The following TEC variants were observed in gnomAD, a reference collection of about 807,000 sequenced individuals.
TEC encodes the protein tyrosine-protein kinase Tec.
In TEC, 72 loss-of-function variants were observed where a neutral mutation model predicts 93.0. The observed-to-expected ratio is 0.77, with a 90% CI of 0.64 to 0.94. The LOEUF (loss-of-function observed/expected upper bound fraction) is 0.94, where lower values mean the gene tolerates loss of function less well. Among genes scored for constraint, TEC ranks in the 40% least tolerant of loss-of-function variants. The probability of loss-of-function intolerance (pLI) is 0.00; values close to 1 mark genes in which losing one functional copy is unlikely to be tolerated. For synonymous variants in TEC, 249 were observed against 247.7 expected (o/e 1.01, Z -0.05); for missense variants, 630 against 757.9 (o/e 0.83, Z 1.98).
chr4:48,263,207 G>C (rs1222199450), intron 1 of TEC, among the ~76,000 whole-genome samples: 1 of 152,204 alleles, frequency 6.6e-6, no homozygotes, highest in South Asian at 2.1e-4. Context: ...GGAAGTAAGG[G>C]TGCTGCTGCT....
rs80067357 is a variant in TEC at position 48,171,972 on chromosome 4, G to C, written c.244-523C>G. 3.5e-3 allele frequency among the ~76,000 whole-genome samples: 536 copies of C among 152,272 alleles called. 2 individuals carry two copies. The highest frequency in any genetic ancestry group is 0.012 in the African/African-American group (518 of 41,538). Reference sequence around the variant, plus strand: ...AAATGAGAAAATAAAGGCCTACCCAGGCCCCCACTCCTGTGTAACTTCAGC... The same window carrying C: ...AAATGAGAAAATAAAGGCCTACCCACGCCCCCACTCCTGTGTAACTTCAGC... On this transcript the variant is annotated intron_variant, in intron 3 of 17. Coordinates refer to ENST00000381501, the MANE Select transcript of TEC (RefSeq NM_003215.3).
intron 1 of TEC, among the ~76,000 whole-genome samples, chr4:48,264,279 A>T (rs1004043929): frequency 5.3e-5 from 8 of 152,186 alleles, no homozygotes; most frequent in Non-Finnish European, 8.8e-5. Context: ...TCTTTTTAAA[A>T]AGCTGGATCC....
chr4:48,150,115 C>T (rs928724775), intron 10 of TEC, among the ~76,000 whole-genome samples: 1 of 152,198 alleles, frequency 6.6e-6, no homozygotes, highest in Admixed American at 6.5e-5. Flanking sequence ...CTAGTCCTCT[C>T]TTGCTAAAAA....
chr4:48,265,497 G>GTGTATATA lies in TEC; in HGVS notation c.-46+4254_-46+4255insTATATACA, dbSNP rs140621313. ...TATATACGTGTGTGTATATATGTGTGTATATATATATATATATATTTTTTT... is the reference window on the plus strand; with the variant it reads ...TATATACGTGTGTGTATATATGTGTGTGTATATATATATATATATATATATATTTTTTT... On this transcript the variant is annotated intron_variant, in intron 1 of 17. Coordinates refer to ENST00000381501, the MANE Select transcript of TEC (RefSeq NM_003215.3). 3.1e-3 allele frequency among the ~76,000 whole-genome samples: 371 copies of GTGTATATA among 118,606 alleles called. 3 individuals are homozygous for GTGTATATA. Among genetic ancestry groups the GTGTATATA allele is most frequent in the African/African-American group, 0.011 (357 of 31,504 alleles). 77.8% of individuals were successfully genotyped at this position (118,606 alleles called of 152,430 possible).
chr4:48,209,464 A>T (rs1292776638), intron 2 of TEC, among the ~76,000 whole-genome samples: 1 of 151,642 alleles, frequency 6.6e-6, no homozygotes, highest in Non-Finnish European at 1.5e-5. Flanking sequence ...ATAACAAATA[A>T]TTAGTTGGGC....
intron 2 of TEC, among the ~76,000 whole-genome samples, chr4:48,207,815 T>A (rs1722766262): frequency 6.6e-6 from 1 of 151,974 alleles, no homozygotes; most frequent in South Asian, 2.1e-4. Context: ...ATCCAGAATT[T>A]AAGCATAATG....
intron 2 of TEC, among the ~76,000 whole-genome samples, chr4:48,198,624 G>A (rs1036012730): frequency 6.6e-6 from 1 of 152,148 alleles, no homozygotes; most frequent in Non-Finnish European, 1.5e-5. Flanking sequence ...TTTTCCTGGT[G>A]AAGGCTCCCA....
intron 2 of TEC, among the ~76,000 whole-genome samples, chr4:48,193,545 G>GT (rs1722168016): frequency 1.3e-5 from 2 of 152,158 alleles, no homozygotes; most frequent in Admixed American, 1.3e-4. Context: ...CGTAACTACT[G>GT]TCAAGGGAGA....
intron 8 of TEC, among the ~76,000 whole-genome samples, chr4:48,161,506 G>T (rs963374919): frequency 6.6e-6 from 1 of 151,784 alleles, no homozygotes. Context: ...TGCGGGCCTG[G>T]AAATCCTGAG....
chr4:48,223,729 T>C (rs1052387282), intron 2 of TEC, among the ~76,000 whole-genome samples: 5 of 152,220 alleles, frequency 3.3e-5, no homozygotes, highest in African/African-American at 7.2e-5. Context: ...GCCTGGCATC[T>C]GGGAACTTGG....
At chr4:48,204,097 A>T (rs1020746838) in intron 2 of TEC, among the ~76,000 whole-genome samples, 1 of 152,218 alleles carries the variant, frequency 6.6e-6, no homozygotes, top group Non-Finnish European at 1.5e-5. Context: ...TGCTATTCTT[A>T]GCCAGGCTTA....
intron 2 of TEC, among the ~76,000 whole-genome samples, chr4:48,193,521 T>C (rs1160060268): frequency 5.9e-5 from 9 of 152,140 alleles, no homozygotes. Context: ...CCCATTACAA[T>C]CTTCAGAGAT....
rs1723338432 is a variant in TEC at position 48,223,630 on chromosome 4, C to G, written c.138+4847G>C. Among the ~76,000 whole-genome samples the G allele has an allele frequency of 2.0e-5, 3 of 152,156 alleles. No individual in the cohort carries two copies. In the South Asian group the frequency reaches 6.2e-4, roughly 32 times the overall value. On this transcript the variant is annotated intron_variant, in intron 2 of 17. Transcript: ENST00000381501. ...GTAGTTAGTGCTCAATAGGTTGTAT[C>G]ATTTTTACTACTAATGTGCAGAAAA...
At chr4:48,171,085 C>A (rs1319496214) in intron 4 of TEC, among the ~76,000 whole-genome samples, 2 of 152,094 alleles carry the variant, frequency 1.3e-5, no homozygotes, top group Admixed American at 1.3e-4. Context: ...ATTCTGTTAT[C>A]ATAAAAGCTT....
Position 48,145,293 on chromosome 4 carries a change from T to G in TEC, c.1256A>C (p.Lys419Thr), listed in dbSNP as rs762925756. Reference sequence around the variant, plus strand: ...CTGCACTAACTTCGGGTGTGTCAGTTTCCTGGGAAGGAAGACATATATATA... The same window carrying G: ...CTGCACTAACTTCGGGTGTGTCAGTGTCCTGGGAAGGAAGACATATATATA... ...DFIEEAKVMM[K>T]LTHPKLVQLY... Residue 419 changes from lysine to threonine, a missense_variant and splice_region_variant, in exon 14 of 18, where the codon AAA (lysine) becomes ACA (threonine). Lys to Thr is a moderately conservative substitution (Grantham distance 78). Around this residue, in one of 3 missense-constraint regions of TEC, gnomAD observed 289 missense variants for 390.0 expected, o/e 0.74. Transcript: ENST00000381501. 11 of 1,614,138 alleles carry G rather than the reference T, an allele frequency of 6.8e-6. No homozygotes were observed. In the South Asian group the frequency reaches 1.1e-4, roughly 16 times the overall value.
At chr4:48,264,135 A>C (rs888728282) in intron 1 of TEC, among the ~76,000 whole-genome samples, 1 of 152,230 alleles carries the variant, frequency 6.6e-6, no homozygotes, top group African/African-American at 2.4e-5. Context: ...TAGCAAAAAC[A>C]TTTTGGTGGA....
At chr4:48,222,557 G>T (rs983935427) in intron 2 of TEC, among the ~76,000 whole-genome samples, 13 of 152,026 alleles carry the variant, frequency 8.6e-5, no homozygotes, top group Admixed American at 7.9e-4. Flanking sequence ...GTGTTTCTCG[G>T]TGAGATCAGC....
At chr4:48,229,966 T>G (rs575170146) in intron 1 of TEC, among the ~76,000 whole-genome samples, 122 of 151,654 alleles carry the variant, frequency 8.0e-4, no homozygotes, top group Middle Eastern at 3.4e-3. Context: ...TCCCAGCTAC[T>G]CGGGAGGCTG....
At chr4:48,242,721 A>C (rs1346474113) in intron 1 of TEC, among the ~76,000 whole-genome samples, 2 of 152,220 alleles carry the variant, frequency 1.3e-5, no homozygotes, top group Non-Finnish European at 2.9e-5. Flanking sequence ...AGAAGCTCAG[A>C]GATACTATCT....
Sources: gnomAD v4.1 joint callset for allele counts (sites outside exome capture counted in the v4.1 genomes callset) on GRCh38, gnomAD v4.1.1 for gene constraint, gnomAD v4.1.1 regional missense constraint, MANE v1.5 for transcripts, NCBI Gene and HGNC (gene_info 2026-07-23, HGNC 2026-07-21) for gene names.